Variants in NUBP1 observed in about 807,000 individuals in gnomAD.
NUBP1 encodes NUBP iron-sulfur cluster assembly factor 1, cytosolic.
NUBP1 carries 46 observed loss-of-function variants against 41.8 expected under a neutral mutation model. The observed-to-expected ratio is 1.10, with a 90% CI of 0.87 to 1.41. The LOEUF is 1.41. Ranked by LOEUF, NUBP1 falls within the 40% of genes most tolerant of loss-of-function variation. The pLI is 0.00. For synonymous variants in NUBP1, 189 were observed against 154.6 expected, an observed-to-expected ratio of 1.22 and a Z score of -1.65; for missense variants, 494 against 414.0, an observed-to-expected ratio of 1.19 and a Z score of -1.68.
Position 10,767,150 on chromosome 16 carries a change from C to T in NUBP1, c.821-799C>T. ...TCACTTGCCTGTTTCGCCAGCAGCT[C>T]AGGCCTGGGGAGTGGGCAGAGCAAG... On this transcript the variant is annotated intron_variant, in intron 9 of 10. Coordinates refer to ENST00000283027, the MANE Select transcript of NUBP1 (RefSeq NM_002484.4). The surrounding 1 kb of genome is among the most constrained non-coding windows in gnomAD (Gnocchi z 4.6). 5.0e-6 allele frequency: 2 copies of T among 399,054 alleles called. No individual in the cohort carries two copies. The highest frequency in any genetic ancestry group is 8.8e-6 in the Non-Finnish European group (2 of 226,412). 24.7% of individuals were successfully genotyped at this position (399,054 alleles called of 1,614,324 possible). A position where few individuals can be genotyped will look rare whatever the true frequency, so the allele number is the denominator to read the frequency against.
Position 10,765,304 on chromosome 16 carries a change from A to G in NUBP1, c.821-2645A>G, listed in dbSNP as rs909727391. Among the ~76,000 whole-genome samples the G allele has an allele frequency of 1.3e-5, 2 of 149,688 alleles. No individual in the cohort carries two copies. The highest frequency in any genetic ancestry group is 3.0e-5 in the Non-Finnish European group (2 of 67,608). On this transcript the variant is annotated intron_variant, in intron 9 of 10. Transcript: ENST00000283027. The surrounding 1 kb of genome is among the most constrained non-coding windows in gnomAD (Gnocchi z 4.0). The stretch of plus-strand genomic sequence containing the variant: ...ACACAACCATGCTCTAGCCTGGGTA[A>G]CACAGGAAGATACCTCATCTCTTAA...
chr16:10,766,862 C>T lies in NUBP1; in HGVS notation c.821-1087C>T, dbSNP rs941482043. 18 of 398,290 alleles carry T rather than the reference C, an allele frequency of 4.5e-5. No individual in the cohort carries two copies. The highest frequency in any genetic ancestry group is 6.6e-5 in the Non-Finnish European group (15 of 226,082). 24.7% of individuals were successfully genotyped at this position (398,290 alleles called of 1,614,324 possible). On this transcript the variant is annotated intron_variant, in intron 9 of 10. Coordinates refer to ENST00000283027, the MANE Select transcript of NUBP1 (RefSeq NM_002484.4). This position sits in a 1 kb window ranked among gnomAD's most constrained non-coding sequence, Gnocchi z 4.8. ...AAGTTACAAAGTCATTTACGGCATA[C>T]GTCCTATGGAGAGGACATTTCCTGT...
chr16:10,763,752 CAG>C (rs1025274766), intron 9 of NUBP1: 3 of 155,008 alleles, frequency 1.9e-5, no homozygotes, highest in African/African-American at 7.2e-5. Flanking sequence ...GGACGTTTGT[CAG>C]GGGAAACATC....
intron 8 of NUBP1, 59 bp downstream of exon 8, chr16:10,761,533 A>T: frequency 7.2e-7 from 1 of 1,393,576 alleles, no homozygotes; most frequent in Non-Finnish European, 1.0e-6. Flanking sequence ...TGAGGAAACG[A>T]TCGGAAGGCT....
chr16:10,754,658 G>A (rs1900473219), intron 4 of NUBP1, among the ~76,000 whole-genome samples: 1 of 152,218 alleles, frequency 6.6e-6, no homozygotes, highest in Non-Finnish European at 1.5e-5. Context: ...TGGATTAGGG[G>A]TCCTGTAAGG....
intron 4 of NUBP1, among the ~76,000 whole-genome samples, chr16:10,753,408 G>C (rs566017211): frequency 2.0e-5 from 3 of 152,152 alleles, no homozygotes; most frequent in Non-Finnish European, 4.4e-5. Context: ...CTGCAGGGCG[G>C]GTGAGCGATG....
In NUBP1 at chr16:10,759,888, GA is replaced by G. The variant is rs1223625706; in HGVS notation, c.607-1472del. Among the ~76,000 whole-genome samples the G allele has an allele frequency of 6.6e-6, 1 of 152,238 alleles. No homozygotes were observed. Among genetic ancestry groups the G allele is most frequent in the Non-Finnish European group, 1.5e-5 (1 of 68,030 alleles). The stretch of plus-strand genomic sequence containing the variant: ...GTCAAGAGCCAAACAGGCATCTCAG[GA>G]AAAGAACAGGCCCAAAGCTGCGAGC... On this transcript the variant is annotated intron_variant, in intron 7 of 10. Transcript: ENST00000283027. This position sits in a 1 kb window ranked among gnomAD's most constrained non-coding sequence, Gnocchi z 4.7.
chr16:10,758,030 G>A lies in NUBP1; in HGVS notation c.606+3G>A, dbSNP rs976628270. On this transcript the variant is annotated splice_donor_region_variant and intron_variant, in intron 7 of 10. Transcript: ENST00000283027. ...CAGTGATCATCACCACTCCCCAGGT[G>A]AGCGAGCTGCCAGCTGGAGCTGGGT... 2.5e-6 allele frequency: 4 copies of A among 1,611,240 alleles called. No homozygotes were observed. The highest frequency in any genetic ancestry group is 3.3e-5 in the Admixed American group (2 of 59,932).
rs765648223 is a variant in NUBP1, at chr16:10,761,464, C to G, written c.707C>G (p.Pro236Arg). 1.9e-6 allele frequency: 3 copies of G among 1,613,750 alleles called. No homozygotes were observed. In the African/African-American group the frequency reaches 4.0e-5, roughly 22 times the overall value. Residue 236 changes from proline to arginine, a missense_variant, in exon 8 of 11, where the codon CCT becomes CGT. By Grantham distance (103) the Pro-to-Arg change is moderately radical. Coordinates refer to ENST00000283027, the MANE Select transcript of NUBP1 (RefSeq NM_002484.4). The stretch of plus-strand genomic sequence containing the variant: ...GAGAACATGAGTGGCTTCATCTGTC[C>G]TAAGTGCAAGGTGAGGGCGCGTGGG... ...VVENMSGFICPKCKKESQIFP... is the reference protein window; with the variant it reads ...VVENMSGFICRKCKKESQIFP...
chr16:10,747,052 A>T (rs1402436931), intron 2 of NUBP1, 91 bp from the exon 3 acceptor site: 1 of 1,479,840 alleles, frequency 6.8e-7, no homozygotes. Flanking sequence ...TAGTACTAGG[A>T]CTAGGACTTA....
rs528477000 is a variant in NUBP1 at position 10,761,664 on chromosome 16, C to A, written c.718-93C>A. 27 of 915,574 alleles carry A rather than the reference C, an allele frequency of 2.9e-5. No individual in the cohort carries two copies. The African/African-American group carries it at 3.1e-4, about 11-fold the overall frequency. The allele number at this position is 915,574 out of a possible 1,614,324, so 56.7% of individuals were successfully genotyped here. On this transcript the variant is annotated intron_variant, in intron 8 of 10. Coordinates refer to ENST00000283027, the MANE Select transcript of NUBP1 (RefSeq NM_002484.4). ...TAAGGGTTCCACATTCAAACTAAGC[C>A]TTTTTTTTTTTTTTAAGTTTCTTTA...
At chr16:10,750,334 T>C (rs1271756201) in intron 3 of NUBP1, among the ~76,000 whole-genome samples, 2 of 152,204 alleles carry the variant, frequency 1.3e-5, no homozygotes, top group African/African-American at 4.8e-5. Context: ...AACCTCCACC[T>C]CCCGGGCTCA....
Position 10,743,880 on chromosome 16 carries a change from A to C in NUBP1, c.17A>C (p.His6Pro), listed in dbSNP as rs372365710. 14 of 1,567,574 alleles carry C rather than the reference A, an allele frequency of 8.9e-6. No homozygotes were observed. The highest frequency in any genetic ancestry group is 5.9e-5 in the South Asian group (5 of 85,242). The change falls in exon 1 of 11, where the codon CAC (histidine) becomes CCC (proline). Residue 6 changes from histidine (H) to proline (P), a missense_variant and splice_region_variant. Transcript: ENST00000283027. The stretch of plus-strand genomic sequence containing the variant: ...GGCGACGGAATGGAGGAGGTGCCTC[A>C]CGGTAAGCTCGCGGAGGGGGCGTGG... MEEVP[H>P]DCPGADSAQA...
At chr16:10,763,873 G>C (rs2030402919) in intron 9 of NUBP1, 1 of 166,844 alleles carries the variant, frequency 6.0e-6, no homozygotes. Flanking sequence ...TCAGCCCCTG[G>C]AAGCATCTCA....
Position 10,769,055 on chromosome 16 carries a change from G to C in NUBP1, c.913G>C (p.Glu305Gln). 1.9e-6 allele frequency: 3 copies of C among 1,614,086 alleles called. No individual in the cohort carries two copies. The highest frequency in any genetic ancestry group is 2.5e-6 in the Non-Finnish European group (3 of 1,180,000). Residue 305 changes from glutamate (E) to glutamine (Q), a missense_variant, in exon 11 of 11, where the codon GAG (glutamate) becomes CAG (glutamine). Glu to Gln is a conservative substitution (Grantham distance 29). Transcript: ENST00000283027. Reference protein sequence around the residue: ...AYRSIIQRIQEFCNLHQSKEE... With the variant: ...AYRSIIQRIQQFCNLHQSKEE... Reference sequence around the variant, plus strand: ...GTCGTCTTGTTTTCCAGGAATCCAAGAGTTTTGTAATCTCCATCAGTCAAA... The same window carrying C: ...GTCGTCTTGTTTTCCAGGAATCCAACAGTTTTGTAATCTCCATCAGTCAAA...
At chr16:10,751,331 A>G (rs975320612) in intron 3 of NUBP1, among the ~76,000 whole-genome samples, 3 of 152,162 alleles carry the variant, frequency 2.0e-5, no homozygotes, top group African/African-American at 7.2e-5. Context: ...ATCAGTCCCA[A>G]GTATCAAGGT....
At chr16:10,758,163 C>T (rs781201961) in intron 7 of NUBP1, 136 bp downstream of exon 7, 53 of 970,972 alleles carry the variant, frequency 5.5e-5, no homozygotes, top group Non-Finnish European at 7.2e-5. Flanking sequence ...TGATGTGGGT[C>T]TGCAGAAACC....
intron 7 of NUBP1, 32 bp downstream of exon 7, chr16:10,758,059 A>G: frequency 6.2e-7 from 1 of 1,607,388 alleles, no homozygotes; most frequent in Non-Finnish European, 8.5e-7. Flanking sequence ...GCTGGGTCCA[A>G]ACTGTGCTCC....
intron 8 of NUBP1, 130 bp from the exon 9 acceptor site, chr16:10,761,627 T>G (rs1459954936): frequency 1.0e-6 from 1 of 972,046 alleles, no homozygotes; most frequent in East Asian, 2.6e-5. Flanking sequence ...TAAAGGAAAG[T>G]TCTTTAGGTG....
Sources: gnomAD v4.1 joint callset for allele counts (sites outside exome capture counted in the v4.1 genomes callset) on GRCh38, gnomAD v4.1.1 for gene constraint, Gnocchi (gnomAD v3.1) non-coding constraint, MANE v1.5 for transcripts, NCBI Gene and HGNC (gene_info 2026-07-23, HGNC 2026-07-21) for gene names.